Variants in PDE1C observed in about 807,000 individuals in gnomAD.
PDE1C encodes dual specificity calcium/calmodulin-dependent 3',5'-cyclic nucleotide phosphodiesterase 1C.
PDE1C carries 62 observed loss-of-function variants against 93.1 expected under a neutral mutation model. The ratio of observed to expected loss-of-function variants is 0.67; its 90% confidence interval spans 0.54 to 0.82. The LOEUF (loss-of-function observed/expected upper bound fraction) is 0.82. PDE1C is among the 40% of genes least tolerant of loss of function. The pLI is 0.00. For missense variants in PDE1C, 742 were observed against 884.6 expected (o/e 0.84, Z 2.04); for synonymous variants, 325 against 310.1 (o/e 1.05, Z -0.50).
the PDE1C span, among the ~76,000 whole-genome samples, chr7:31,685,083 CACA>C: frequency 6.6e-6 from 1 of 151,268 alleles, no homozygotes; most frequent in South Asian, 2.1e-4. Context: ...TATTGACACA[CACA>C]ACAACCTGAA....
chr7:32,403,832 AC>A (rs1315138484), intron 1 of PDE1C, among the ~76,000 whole-genome samples: 2 of 152,180 alleles, frequency 1.3e-5, no homozygotes. Context: ...AGCATTGGGA[AC>A]TGAGGGGTTG....
chr7:32,100,756 GCTC>G (rs1797998011), intron 3 of PDE1C, among the ~76,000 whole-genome samples: 1 of 152,110 alleles, frequency 6.6e-6, no homozygotes, highest in Non-Finnish European at 1.5e-5. Context: ...CTGTTTTCCT[GCTC>G]CTGAATTTCT....
At chr7:32,209,010 T>C (rs906089812) in intron 2 of PDE1C, among the ~76,000 whole-genome samples, 4 of 152,222 alleles carry the variant, frequency 2.6e-5, no homozygotes, top group African/African-American at 9.6e-5. Context: ...GATGCCTTCA[T>C]AGCTACAAGC....
the PDE1C span, among the ~76,000 whole-genome samples, chr7:31,682,218 C>A: frequency 1.4e-3 from 216 of 152,120 alleles, no homozygotes; most frequent in African/African-American, 5.1e-3. Flanking sequence ...CACTTAAGCA[C>A]CAAACATTTT....
At chr7:32,334,159 T>C (rs561668498) in intron 1 of PDE1C, among the ~76,000 whole-genome samples, 28 of 152,212 alleles carry the variant, frequency 1.8e-4, no homozygotes, top group Admixed American at 8.5e-4. Context: ...TGATCAAATT[T>C]CTTTCAGTAA....
downstream of PDE1C, among the ~76,000 whole-genome samples, chr7:31,751,022 A>C (rs1304081782): frequency 6.6e-6 from 1 of 152,230 alleles, no homozygotes; most frequent in Non-Finnish European, 1.5e-5. Context: ...AAAAAGGTTA[A>C]AAAATGAACT....
intron 1 of PDE1C, among the ~76,000 whole-genome samples, chr7:32,311,900 G>A (rs546452251): frequency 2.6e-4 from 39 of 152,164 alleles, no homozygotes; most frequent in South Asian, 6.2e-4. Flanking sequence ...GGAAGTTCTG[G>A]CCAGGGCAAT....
chr7:31,786,210 T>C (rs1424684332), intron 16 of PDE1C: 1 of 152,142 alleles, frequency 6.6e-6, no homozygotes, highest in Admixed American at 6.5e-5. Context: ...GTAAATCCAC[T>C]GACGTTTTAT....
intron 1 of PDE1C, among the ~76,000 whole-genome samples, chr7:32,397,091 C>G (rs1784851657): frequency 6.6e-6 from 1 of 152,036 alleles, no homozygotes; most frequent in Non-Finnish European, 1.5e-5. Flanking sequence ...AACTATGACT[C>G]AAAATCCAGA....
the PDE1C span, among the ~76,000 whole-genome samples, chr7:31,641,302 C>A: frequency 6.6e-6 from 1 of 152,148 alleles, no homozygotes; most frequent in Admixed American, 6.5e-5. Flanking sequence ...GGACAATCAA[C>A]TGTTTCCCCT....
At chr7:32,208,667 G>C (rs2128840581) in intron 2 of PDE1C, among the ~76,000 whole-genome samples, 1 of 152,242 alleles carries the variant, frequency 6.6e-6, no homozygotes, top group East Asian at 1.9e-4. Context: ...TGCATAGTGG[G>C]TTTGGGGAGC....
Position 32,194,364 on chromosome 7 carries a change from G to A in PDE1C, c.136+15125C>T, listed in dbSNP as rs183191271. ...TCCTGATATTCATAATTTGTGTCTT[G>A]TGTTCAATCTATTGTTGAGAAAGAT... On this transcript the variant is annotated intron_variant, in intron 2 of 18. Coordinates refer to the PDE1C transcript ENST00000396193. Among the ~76,000 whole-genome samples the A allele has an allele frequency of 5.9e-5, 9 of 152,206 alleles. No individual in the cohort carries two copies. In the East Asian group the frequency reaches 1.7e-3, roughly 29 times the overall value.
the PDE1C span, among the ~76,000 whole-genome samples, chr7:31,715,804 C>T: frequency 6.6e-6 from 1 of 152,178 alleles, no homozygotes; most frequent in African/African-American, 2.4e-5. Flanking sequence ...CCTTAACAAG[C>T]TGAGGTAAAC....
At chr7:32,267,158 G>A (rs1030588764) in intron 1 of PDE1C, among the ~76,000 whole-genome samples, 1 of 152,224 alleles carries the variant, frequency 6.6e-6, no homozygotes, top group African/African-American at 2.4e-5. Flanking sequence ...GACCCTCCCT[G>A]TCGTTAGAGA....
intron 2 of PDE1C, among the ~76,000 whole-genome samples, chr7:32,198,720 A>C (rs1584944006): frequency 3.3e-5 from 5 of 152,352 alleles, no homozygotes; most frequent in African/African-American, 1.2e-4. Flanking sequence ...CTCTGCTTAC[A>C]TTCTATTGAC....
chr7:31,936,292 C>T (rs1271604648), intron 2 of PDE1C, among the ~76,000 whole-genome samples: 1 of 152,160 alleles, frequency 6.6e-6, no homozygotes, highest in Admixed American at 6.5e-5. Context: ...GCTTCTACCA[C>T]ACCCAAACTG....
At chr7:31,809,957 T>A (rs1787348630) in intron 15 of PDE1C, among the ~76,000 whole-genome samples, 1 of 152,086 alleles carries the variant, frequency 6.6e-6, no homozygotes, top group Non-Finnish European at 1.5e-5. Flanking sequence ...CACCATCGAT[T>A]ATGGCAAATA....
At chr7:31,716,048 C>T in the PDE1C span, among the ~76,000 whole-genome samples, 1 of 152,116 alleles carries the variant, frequency 6.6e-6, no homozygotes, top group South Asian at 2.1e-4. Context: ...CAACTGCGTG[C>T]CTCATTGTTG....
intron 2 of PDE1C, among the ~76,000 whole-genome samples, chr7:32,004,225 A>C (rs376898982): frequency 6.6e-6 from 1 of 150,628 alleles, no homozygotes; most frequent in Non-Finnish European, 1.5e-5. Context: ...TTTACTGCCT[A>C]TGAACACAAA....
Sources: gnomAD v4.1 joint callset for allele counts (sites outside exome capture counted in the v4.1 genomes callset) on GRCh38, gnomAD v4.1.1 for gene constraint, MANE v1.5 for transcripts, NCBI Gene and HGNC (gene_info 2026-07-23, HGNC 2026-07-21) for gene names.